NCAPG: variants seen among roughly 807,000 people sequenced by gnomAD.
NCAPG encodes the protein non-SMC condensin I complex subunit G, also known as condensin complex subunit 3.
In NCAPG, 69 loss-of-function variants were observed where a neutral mutation model predicts 113.1. That is an observed-to-expected ratio of 0.61 (90% CI 0.50 to 0.75). The LOEUF is 0.75. Among genes scored for constraint, NCAPG ranks in the 30% least tolerant of loss-of-function variants. The pLI, the probability that NCAPG is intolerant of heterozygous loss-of-function variation, is 0.00. For synonymous variants in NCAPG, 370 were observed against 415.8 expected (o/e 0.89, Z 1.34); for missense variants, 1,058 against 1,177.0 (o/e 0.90, Z 1.48).
intron 12 of NCAPG, among the ~76,000 whole-genome samples, chr4:17,830,318 A>C (rs1377519970): frequency 6.6e-6 from 1 of 151,866 alleles, no homozygotes. Flanking sequence ...ACTTAAGCTT[A>C]GGAGGCTGAG....
At chr4:17,831,263 G>C in intron 13 of NCAPG, 147 bp downstream of exon 13, 1 of 949,104 alleles carries the variant, frequency 1.1e-6, no homozygotes, top group East Asian at 2.8e-5. Flanking sequence ...TTTATCTTTT[G>C]ATTTCTTATT....
chr4:17,823,280 T>A (rs1485752061), intron 8 of NCAPG, 157 bp downstream of exon 8: 11 of 584,744 alleles, frequency 1.9e-5, no homozygotes. Flanking sequence ...TATATACACA[T>A]ACATTTATAT....
chr4:17,822,986 C>T lies in NCAPG; in HGVS notation c.1122C>T (p.Tyr374=). 1 of 1,586,788 alleles carries T rather than the reference C, an allele frequency of 6.3e-7. No individual in the cohort carries two copies. Among genetic ancestry groups the T allele is most frequent in the South Asian group, 1.2e-5 (1 of 85,562 alleles). The change falls in exon 8 of 21, where the codon TAC becomes TAT. Residue 374 remains tyrosine, a synonymous_variant. Coordinates refer to ENST00000251496, the MANE Select transcript of NCAPG (RefSeq NM_022346.5). ...TTATTAATTCTGCTTGTTTTAGTTACATCCAGAGCATTCCAGTTGTTAATG... is the reference window on the plus strand; with the variant it reads ...TTATTAATTCTGCTTGTTTTAGTTATATCCAGAGCATTCCAGTTGTTAATG... ...PVVYADYLLS[Y]IQSIPVVNEE...
intron 7 of NCAPG, among the ~76,000 whole-genome samples, chr4:17,821,134 C>T (rs1352874052): frequency 6.6e-6 from 1 of 151,694 alleles, no homozygotes; most frequent in Non-Finnish European, 1.5e-5. Context: ...AAAAAAAACT[C>T]AGTCAAGATG....
chr4:17,836,798 T>G (rs1474427901), intron 14 of NCAPG, among the ~76,000 whole-genome samples: 2 of 152,194 alleles, frequency 1.3e-5, no homozygotes, highest in Non-Finnish European at 2.9e-5. Flanking sequence ...GATAGGCACC[T>G]TCCTCTAATA....
intron 5 of NCAPG, among the ~76,000 whole-genome samples, chr4:17,816,065 T>TC (rs1491104217): frequency 7.7e-4 from 83 of 107,882 alleles, no homozygotes; most frequent in Admixed American, 1.3e-3. Flanking sequence ...AATTTTCTTA[T>TC]TTTTTTTTTT....
Position 17,813,069 on chromosome 4 carries a change from A to G in NCAPG, c.468A>G (p.Pro156=). ...AMLIRLKDKI[P]NVRIQAVLAL... is the part of the protein sequence containing the mutation. ...TTATTAGATTGAAAGATAAGATTCC[A>G]AATGTGAGAATACAGGCAGTTCTGG... The change falls in exon 3 of 21, where the codon CCA becomes CCG. Residue 156 remains proline, a synonymous_variant. Transcript: ENST00000251496. The G allele has an allele frequency of 1.9e-6, 3 of 1,614,092 alleles. No homozygotes were observed. Among genetic ancestry groups the G allele is most frequent in the South Asian group, 1.1e-5 (1 of 91,082 alleles).
Position 17,812,252 on chromosome 4 carries a change from T to C in NCAPG, c.143T>C (p.Phe48Ser). ...MDDKTVFHEE[F>S]IHYLKYVMVV... is the part of the protein sequence containing the mutation. ...GATAAGACAGTTTTTCATGAGGAGT[T>C]CATTCATTACCTTAAATATGTTATG... Residue 48 changes from phenylalanine to serine, a missense_variant, in exon 2 of 21, where the codon TTC (phenylalanine) becomes TCC (serine). By Grantham distance (155) the Phe-to-Ser change is radical. Coordinates refer to ENST00000251496, the MANE Select transcript of NCAPG (RefSeq NM_022346.5). 6.2e-7 allele frequency: 1 copy of C among 1,613,454 alleles called. No homozygotes were observed. Among genetic ancestry groups the C allele is most frequent in the Non-Finnish European group, 8.5e-7 (1 of 1,179,730 alleles).
intron 16 of NCAPG, 78 bp downstream of exon 16, chr4:17,837,879 G>A (rs1722166963): frequency 7.3e-6 from 11 of 1,511,154 alleles, no homozygotes; most frequent in Non-Finnish European, 9.1e-6. Context: ...GAAATACTGA[G>A]GAACTGCATT....
chr4:17,839,736 T>C lies in NCAPG; in HGVS notation c.2527T>C (p.Cys843Arg). 6.3e-7 allele frequency: 1 copy of C among 1,587,592 alleles called. No individual in the cohort carries two copies. The highest frequency in any genetic ancestry group is 2.3e-5 in the East Asian group (1 of 44,184). The change falls in exon 17 of 21, where the codon TGC becomes CGC. Residue 843 changes from cysteine (C) to arginine (R), a missense_variant. Physicochemically the swap from Cys to Arg is radical, Grantham distance 180. Transcript: ENST00000251496. ...KICNEILTSPCSPEIRVYTKA... is the reference protein window; with the variant it reads ...KICNEILTSPRSPEIRVYTKA... ...TTGCAATGAGATCTTAACAAGTCCG[T>C]GCTCGCCAGAAATTCGAGTCTATAC...
At chr4:17,815,157 G>A in intron 4 of NCAPG, 117 bp from the exon 5 acceptor site, 1 of 1,230,104 alleles carries the variant, frequency 8.1e-7, no homozygotes, top group Non-Finnish European at 1.1e-6. Flanking sequence ...TATTAAGTAT[G>A]TTACCAGGTA....
At chr4:17,837,905 C>T (rs905220970) in intron 16 of NCAPG, 104 bp downstream of exon 16, 11 of 1,216,518 alleles carry the variant, frequency 9.0e-6, no homozygotes, top group East Asian at 2.4e-5. Context: ...CTTTAGACTT[C>T]TGTCTCAAGC....
In NCAPG at chr4:17,817,368, G is replaced by T; in HGVS notation, c.883G>T (p.Glu295Ter). 1 of 1,614,102 alleles carries T rather than the reference G, an allele frequency of 6.2e-7. No homozygotes were observed. Among genetic ancestry groups the T allele is most frequent in the Non-Finnish European group, 8.5e-7 (1 of 1,179,970 alleles). ...TCGGTTGGATGTAGAAAATTCTTCT[G>T]AAGTGGCAGTCTCTGTTCTCAATGC... ...LHRLDVENSS[E>*]VAVSVLNALF... The change falls in exon 6 of 21, where the codon GAA (glutamate) becomes TAA (stop). Residue 295 changes from glutamate to a stop codon, truncating the protein, a stop_gained. Coordinates refer to ENST00000251496, the MANE Select transcript of NCAPG (RefSeq NM_022346.5). LOFTEE classifies it high-confidence loss of function.
chr4:17,831,168 G>A, intron 13 of NCAPG, 52 bp downstream of exon 13: 1 of 1,579,318 alleles, frequency 6.3e-7, no homozygotes, highest in Non-Finnish European at 8.6e-7. Flanking sequence ...AATACTCTGT[G>A]GCGATAATGC....
At chr4:17,832,677 T>TAA (rs1485157236) in intron 13 of NCAPG, among the ~76,000 whole-genome samples, 1 of 152,008 alleles carries the variant, frequency 6.6e-6, no homozygotes, top group Non-Finnish European at 1.5e-5. Flanking sequence ...ATGCAACGCT[T>TAA]AGAGATAGGA....
rs200671711 is a variant in NCAPG at position 17,842,113 on chromosome 4, AT to A, written c.2855-195del. 1,107 of 518,106 alleles carry A rather than the reference AT, an allele frequency of 2.1e-3. 4 individuals carry two copies. Among genetic ancestry groups the A allele is most frequent in the African/African-American group, 0.02 (1,018 of 51,756 alleles). 32.1% of individuals were successfully genotyped at this position (518,106 alleles called of 1,614,324 possible). On this transcript the variant is annotated intron_variant, in intron 19 of 20. Transcript: ENST00000251496. ...CTCATTATTAGTGCTTACAAAATAAATTAAGTTTTAATCTTGCTTGGGTTCC... is the reference window on the plus strand; with the variant it reads ...CTCATTATTAGTGCTTACAAAATAAATAAGTTTTAATCTTGCTTGGGTTCC...
intron 5 of NCAPG, among the ~76,000 whole-genome samples, chr4:17,816,064 AT>A (rs201107828): frequency 0.12 from 17,498 of 142,966 alleles, 1,097 homozygotes; most frequent in South Asian, 0.25. Flanking sequence ...TAATTTTCTT[AT>A]TTTTTTTTTT....
At chr4:17,831,941 G>A (rs1251601490) in intron 13 of NCAPG, among the ~76,000 whole-genome samples, 1 of 152,102 alleles carries the variant, frequency 6.6e-6, no homozygotes, top group Admixed American at 6.5e-5. Context: ...AACCTTTTGT[G>A]TACAGGGCCA....
chr4:17,840,766 C>A, intron 19 of NCAPG, 73 bp downstream of exon 19: 3 of 980,660 alleles, frequency 3.1e-6, no homozygotes, highest in South Asian at 2.8e-5. Flanking sequence ...ACTTGTTTTG[C>A]AAGTTTTCTT....
Sources: allele counts gnomAD v4.1 joint callset (sites outside exome capture counted in the v4.1 genomes callset), GRCh38; gene constraint gnomAD v4.1.1; transcripts MANE v1.5; gene names NCBI Gene and HGNC (gene_info 2026-07-23, HGNC 2026-07-21).